Variants in DNASE1L3 observed in about 807,000 individuals in gnomAD.
DNASE1L3 encodes deoxyribonuclease gamma.
A neutral mutation model predicts 30.9 loss-of-function variants in DNASE1L3; 27 were observed. That is an observed-to-expected ratio of 0.87 (90% CI 0.64 to 1.20). The LOEUF is 1.20. DNASE1L3 is among the 50% of genes most tolerant of loss of function. The probability of loss-of-function intolerance (pLI) is 0.00; values close to 1 mark genes in which losing one functional copy is unlikely to be tolerated. For missense variants in DNASE1L3, 364 were observed against 378.2 expected, an observed-to-expected ratio of 0.96 and a Z score of 0.31; for synonymous variants, 135 against 138.0, an observed-to-expected ratio of 0.98 and a Z score of 0.15.
At position 58,193,453 on chromosome 3, in the gene DNASE1L3, A is replaced by C; in HGVS notation, c.705-14T>G. Reference sequence around the variant, plus strand: ...CTAAGCACAATCCTGGAACAAGGGGAGGGAAAACAGTTGTGTTAATCCAAC... The same window carrying C: ...CTAAGCACAATCCTGGAACAAGGGGCGGGAAAACAGTTGTGTTAATCCAAC... On this transcript the variant is annotated splice_polypyrimidine_tract_variant and intron_variant, in intron 6 of 7. Transcript: ENST00000394549. 1 of 1,602,960 alleles carries C rather than the reference A, an allele frequency of 6.2e-7. No individual in the cohort carries two copies. The highest frequency in any genetic ancestry group is 1.1e-5 in the South Asian group (1 of 90,490).
chr3:58,194,873 C>T (rs976089629), intron 6 of DNASE1L3, among the ~76,000 whole-genome samples: 9 of 152,134 alleles, frequency 5.9e-5, no homozygotes, highest in Non-Finnish European at 8.8e-5. Context: ...CGTGATCCAC[C>T]GGCCGCAGCC....
At chr3:58,198,732 A>G (rs1307478854) in intron 5 of DNASE1L3, among the ~76,000 whole-genome samples, 1 of 152,192 alleles carries the variant, frequency 6.6e-6, no homozygotes, top group East Asian at 1.9e-4. Flanking sequence ...TAGGGTGTAA[A>G]TATACGAATG....
intron 2 of DNASE1L3, among the ~76,000 whole-genome samples, chr3:58,207,452 CCCCA>C (rs199968648): frequency 0.051 from 1,913 of 37,330 alleles, 33 homozygotes; most frequent in East Asian, 0.25. Flanking sequence ...CCCCCCCCCC[CCCCA>C]CCAGAAGTAA....
chr3:58,203,359 C>T (rs2097401993), intron 4 of DNASE1L3, among the ~76,000 whole-genome samples: 1 of 152,198 alleles, frequency 6.6e-6, no homozygotes, highest in African/African-American at 2.4e-5. Flanking sequence ...GCCCTTTCTC[C>T]AGCCCTCTGT....
At chr3:58,202,848 T>C (rs1259067448) in intron 4 of DNASE1L3, among the ~76,000 whole-genome samples, 2 of 148,104 alleles carry the variant, frequency 1.4e-5, no homozygotes, top group Non-Finnish European at 2.9e-5. Context: ...AGTGAAACTC[T>C]GTCTAAAAAA....
In DNASE1L3 at chr3:58,208,324, C is replaced by T. The variant is rs3732631; in HGVS notation, c.142-18G>A. On this transcript the variant is annotated intron_variant, in intron 1 of 7. Transcript: ENST00000394549. ...TTGATGACCTGCAAGAAAGAGAATT[C>T]CCAGGGGTTTGAGGTCATTTACCAC... 1 of 1,613,606 alleles carries T rather than the reference C, an allele frequency of 6.2e-7. No individual in the cohort carries two copies. Among genetic ancestry groups the T allele is most frequent in the Non-Finnish European group, 8.5e-7 (1 of 1,179,658 alleles).
intron 6 of DNASE1L3, among the ~76,000 whole-genome samples, chr3:58,196,644 G>A (rs1179209704): frequency 1.3e-5 from 2 of 150,980 alleles, no homozygotes; most frequent in Non-Finnish European, 2.9e-5. Context: ...ACACTTCCTC[G>A]TGGCAGGCTG....
intron 2 of DNASE1L3, among the ~76,000 whole-genome samples, chr3:58,205,938 G>A (rs1471820921): frequency 1.3e-5 from 2 of 152,114 alleles, no homozygotes; most frequent in African/African-American, 4.8e-5. Context: ...CCCTGACCCC[G>A]CTCATGCCCA....
intron 4 of DNASE1L3, among the ~76,000 whole-genome samples, chr3:58,203,439 T>G (rs1487496304): frequency 6.6e-6 from 1 of 152,222 alleles, no homozygotes; most frequent in Admixed American, 6.5e-5. Flanking sequence ...CAACAGAGCC[T>G]GGTACATAGT....
rs1273093665 is a variant in DNASE1L3 at position 58,210,766 on chromosome 3, C to A, written c.141G>T (p.Lys47Asn). 2 of 1,613,966 alleles carry A rather than the reference C, an allele frequency of 1.2e-6. No individual in the cohort carries two copies. Among genetic ancestry groups the A allele is most frequent in the Admixed American group, 3.3e-5 (2 of 59,994 alleles). Reference protein sequence around the residue: ...EDKNAMDVIVKVIKRCDIILV... With the variant: ...EDKNAMDVIVNVIKRCDIILV... Reference sequence around the variant, plus strand: ...TCCTCCTCCCAGGAAAGGGGCTCACCTTCACAATGACATCCATGGCATTCT... The same window carrying A: ...TCCTCCTCCCAGGAAAGGGGCTCACATTCACAATGACATCCATGGCATTCT... Residue 47 changes from lysine to asparagine, a missense_variant and splice_region_variant, in exon 1 of 8, where the codon AAG becomes AAT. Lys to Asn is a moderately conservative substitution (Grantham distance 94). Coordinates refer to ENST00000394549, the MANE Select transcript of DNASE1L3 (RefSeq NM_004944.4).
intron 6 of DNASE1L3, among the ~76,000 whole-genome samples, chr3:58,196,346 C>T (rs1261431412): frequency 6.6e-6 from 1 of 150,642 alleles, no homozygotes; most frequent in Non-Finnish European, 1.5e-5. Context: ...AAATCAAGAC[C>T]ATCCTGGGTA....
At chr3:58,199,331 C>G (rs2097399187) in intron 5 of DNASE1L3, among the ~76,000 whole-genome samples, 3 of 152,184 alleles carry the variant, frequency 2.0e-5, no homozygotes, top group South Asian at 2.1e-4. Context: ...GATTAAGTGA[C>G]CTGCTCTAGG....
rs143194694 is a variant in DNASE1L3, at chr3:58,205,091, T to C, written c.321-210A>G. 1.3e-4 allele frequency among the ~76,000 whole-genome samples: 20 copies of C among 152,282 alleles called. No homozygotes were observed. The East Asian group carries it at 3.7e-3, about 28-fold the overall frequency. On this transcript the variant is annotated intron_variant, in intron 3 of 7. Coordinates refer to ENST00000394549, the MANE Select transcript of DNASE1L3 (RefSeq NM_004944.4). ...GAGCTGAAGATCTGAGCCATACTAG[T>C]TATCTGTGGCACCCAAAAGTTAATG...
intron 2 of DNASE1L3, among the ~76,000 whole-genome samples, chr3:58,206,448 G>T (rs1380449336): frequency 6.6e-6 from 1 of 152,204 alleles, no homozygotes; most frequent in African/African-American, 2.4e-5. Context: ...AGTAGGTTCT[G>T]CCGGGCTTCC....
chr3:58,195,668 C>G (rs1233601821), intron 6 of DNASE1L3, among the ~76,000 whole-genome samples: 1 of 143,044 alleles, frequency 7.0e-6, no homozygotes, highest in Non-Finnish European at 1.5e-5. Flanking sequence ...TGCCTGTAAT[C>G]CCAGCTACTT....
In DNASE1L3 at chr3:58,192,823, G is replaced by A; in HGVS notation, c.802-20C>T. The A allele has an allele frequency of 2.5e-6, 4 of 1,605,596 alleles. No homozygotes were observed. Among genetic ancestry groups the A allele is most frequent in the African/African-American group, 1.3e-5 (1 of 74,262 alleles). ...CAGGGCCTATAAGGAGAAAGGGGAG[G>A]TAGACATGGAAATTAGGAGATGCCT... On this transcript the variant is annotated intron_variant, in intron 7 of 7. Coordinates refer to ENST00000394549, the MANE Select transcript of DNASE1L3 (RefSeq NM_004944.4). The surrounding 1 kb of genome is among the most constrained non-coding windows in gnomAD (Gnocchi z 4.8).
chr3:58,196,643 C>T (rs917288469), intron 6 of DNASE1L3, among the ~76,000 whole-genome samples: 4 of 151,494 alleles, frequency 2.6e-5, no homozygotes, highest in African/African-American at 4.9e-5. Context: ...CACACTTCCT[C>T]GTGGCAGGCT....
chr3:58,196,230 G>C lies in DNASE1L3; in HGVS notation c.704+1591C>G, dbSNP rs1478906945. Among the ~76,000 whole-genome samples the C allele has an allele frequency of 4.6e-5, 7 of 151,816 alleles. No individual in the cohort carries two copies. In the South Asian group the frequency reaches 1.0e-3, roughly 23 times the overall value. ...TTGCAGAGTGATAACTTCTGCAAAGGAAACACCAGCCTCAAAAGCTCCAAG... is the reference window on the plus strand; with the variant it reads ...TTGCAGAGTGATAACTTCTGCAAAGCAAACACCAGCCTCAAAAGCTCCAAG... On this transcript the variant is annotated intron_variant, in intron 6 of 7. Coordinates refer to ENST00000394549, the MANE Select transcript of DNASE1L3 (RefSeq NM_004944.4).
At chr3:58,198,110 C>T in intron 5 of DNASE1L3, 132 bp from the exon 6 acceptor site, 3 of 1,036,198 alleles carry the variant, frequency 2.9e-6, no homozygotes, top group Non-Finnish European at 4.1e-6. Context: ...ATCTTGTCTA[C>T]CCCCTGCTCC....
Sources: allele counts gnomAD v4.1 joint callset (sites outside exome capture counted in the v4.1 genomes callset), GRCh38; gene constraint gnomAD v4.1.1; non-coding constraint Gnocchi (gnomAD v3.1); transcripts MANE v1.5; gene names NCBI Gene and HGNC (gene_info 2026-07-23, HGNC 2026-07-21).